The following SEMA3E variants were observed in gnomAD, a reference collection of about 807,000 sequenced individuals.
SEMA3E encodes semaphorin 3E.
A neutral mutation model predicts 93.6 loss-of-function variants in SEMA3E; 49 were observed. That is an observed-to-expected ratio of 0.52 (90% CI 0.42 to 0.66). The LOEUF (loss-of-function observed/expected upper bound fraction) is 0.66. SEMA3E is among the 30% of genes least tolerant of loss of function. SEMA3E has a pLI of 0.00. For missense variants in SEMA3E, 906 were observed against 964.8 expected (o/e 0.94, Z 0.81); for synonymous variants, 363 against 330.7 (o/e 1.10, Z -1.06).
intron 1 of SEMA3E, among the ~76,000 whole-genome samples, chr7:83,592,958 A>AT (rs145243318): frequency 0.27 from 41,216 of 151,694 alleles, 5,750 homozygotes; most frequent in African/African-American, 0.34. Flanking sequence ...TTTAATAAAC[A>AT]TTTTTTTTCT....
intron 16 of SEMA3E, among the ~76,000 whole-genome samples, chr7:83,368,750 TCA>T (rs1325843157): frequency 1.3e-5 from 2 of 152,150 alleles, no homozygotes; most frequent in East Asian, 3.9e-4. Flanking sequence ...GATATAATAC[TCA>T]CATTATTTCT....
chr7:83,542,947 T>C (rs1791568198), intron 1 of SEMA3E, among the ~76,000 whole-genome samples: 1 of 152,000 alleles, frequency 6.6e-6, no homozygotes, highest in Non-Finnish European at 1.5e-5. Flanking sequence ...AAAAGTCTTT[T>C]TGTGGCTTGT....
At chr7:83,457,639 G>A (rs1325527159) in intron 4 of SEMA3E, among the ~76,000 whole-genome samples, 4 of 151,838 alleles carry the variant, frequency 2.6e-5, no homozygotes, top group South Asian at 2.1e-4. Flanking sequence ...CTCTCATAAC[G>A]ATCATGTAAT....
rs1467190473 is a variant in SEMA3E, at chr7:83,364,113, C to T, written c.*3473G>A. The T allele has an allele frequency of 1.3e-5, 2 of 151,010 alleles. No homozygotes were observed. Among genetic ancestry groups the T allele is most frequent in the African/African-American group, 4.9e-5 (2 of 41,052 alleles). The allele number at this position is 151,010 out of a possible 1,614,324, so 9.4% of individuals were successfully genotyped here. A position where few individuals can be genotyped will look rare whatever the true frequency, so the allele number is the denominator to read the frequency against. ...GTTTCACCTTGTTAGCCAGGATGGTCTCGATCTCCTGACCTCATGATCCAC... is the reference window on the plus strand; with the variant it reads ...GTTTCACCTTGTTAGCCAGGATGGTTTCGATCTCCTGACCTCATGATCCAC... On this transcript the variant is annotated 3_prime_UTR_variant, in exon 17 of 17. Coordinates refer to ENST00000643230, the MANE Select transcript of SEMA3E (RefSeq NM_012431.3).
At chr7:83,606,233 G>A (rs190938513) in intron 1 of SEMA3E, among the ~76,000 whole-genome samples, 1 of 152,106 alleles carries the variant, frequency 6.6e-6, no homozygotes. Context: ...AGTAGTTAAT[G>A]GTTCTTTCTG....
chr7:83,418,808 A>T (rs185423706), intron 4 of SEMA3E, among the ~76,000 whole-genome samples: 1 of 152,308 alleles, frequency 6.6e-6, no homozygotes, highest in Non-Finnish European at 1.5e-5. Context: ...TTGCTGGAAA[A>T]AGGTTAATGA....
intron 1 of SEMA3E, among the ~76,000 whole-genome samples, chr7:83,628,894 G>C (rs549259114): frequency 6.6e-6 from 1 of 152,056 alleles, no homozygotes; most frequent in South Asian, 2.1e-4. Flanking sequence ...CAGCTTTTTT[G>C]TGCTGGTTTT....
chr7:83,628,445 T>C (rs912065183), intron 1 of SEMA3E, among the ~76,000 whole-genome samples: 1 of 152,136 alleles, frequency 6.6e-6, no homozygotes. Flanking sequence ...TAGTTTGGTT[T>C]CTACACACAG....
rs2709974 is a variant in SEMA3E, at chr7:83,392,900, T to C, written c.1501-179A>G. On this transcript the variant is annotated intron_variant, in intron 13 of 16. Coordinates refer to ENST00000643230, the MANE Select transcript of SEMA3E (RefSeq NM_012431.3). ...CTGCACAACATGGCAAAACCCCATCTCTACTAAAAATACAAAAAATTAGCC... is the reference window on the plus strand; with the variant it reads ...CTGCACAACATGGCAAAACCCCATCCCTACTAAAAATACAAAAAATTAGCC... Among the ~76,000 whole-genome samples the C allele has an allele frequency of 0.57, 86,662 of 151,638 alleles. 28,452 individuals carry two copies. Among genetic ancestry groups the C allele is most frequent in the East Asian group, 0.85 (4,363 of 5,122 alleles).
intron 4 of SEMA3E, among the ~76,000 whole-genome samples, chr7:83,458,036 G>A (rs544912579): frequency 3.3e-4 from 50 of 151,364 alleles, no homozygotes; most frequent in Non-Finnish European, 6.9e-4. Flanking sequence ...TTTCTCTTGT[G>A]ACATATATAT....
At chr7:83,392,898 T>C (rs1388781042) in intron 13 of SEMA3E, among the ~76,000 whole-genome samples, 177 bp from the exon 14 acceptor site, 1 of 151,840 alleles carries the variant, frequency 6.6e-6, no homozygotes, top group African/African-American at 2.4e-5. Flanking sequence ...CAAAACCCCA[T>C]CTCTACTAAA....
intron 1 of SEMA3E, among the ~76,000 whole-genome samples, chr7:83,538,762 C>A (rs922063906): frequency 6.6e-6 from 1 of 152,164 alleles, no homozygotes; most frequent in Non-Finnish European, 1.5e-5. Context: ...TCCCAGAACT[C>A]TATTTTAGTT....
intron 1 of SEMA3E, among the ~76,000 whole-genome samples, chr7:83,619,289 A>C (rs2115621416): frequency 6.6e-6 from 1 of 152,000 alleles, no homozygotes; most frequent in African/African-American, 2.4e-5. Context: ...TTGAAATAAA[A>C]AATTTTAGAT....
At chr7:83,394,178 A>T in intron 13 of SEMA3E, 119 bp downstream of exon 13, 1 of 1,106,534 alleles carries the variant, frequency 9.0e-7, no homozygotes, top group South Asian at 1.5e-5. Flanking sequence ...ATAAAAGAAA[A>T]ATAAAACTGT....
chr7:83,407,829 T>C (rs1788358217), intron 6 of SEMA3E, among the ~76,000 whole-genome samples: 1 of 152,096 alleles, frequency 6.6e-6, no homozygotes, highest in South Asian at 2.1e-4. Context: ...TTTTAAAGCT[T>C]AATAAAAATG....
intron 10 of SEMA3E, 43 bp from the exon 11 acceptor site, chr7:83,400,293 C>G: frequency 1.3e-6 from 2 of 1,563,070 alleles, no homozygotes; most frequent in Non-Finnish European, 1.8e-6. Context: ...GCTTTACACC[C>G]AAAGAGAAAA....
intron 2 of SEMA3E, among the ~76,000 whole-genome samples, chr7:83,473,395 G>A (rs571072042): frequency 1.6e-4 from 24 of 152,236 alleles, no homozygotes; most frequent in African/African-American, 5.5e-4. Flanking sequence ...CAGTTTGTTT[G>A]TTCCCTTAAA....
Position 83,385,366 on chromosome 7 carries a change from T to C in SEMA3E, c.1803A>G (p.Glu601=), listed in dbSNP as rs148962198. 1.2e-6 allele frequency: 2 copies of C among 1,613,484 alleles called. No homozygotes were observed. Among genetic ancestry groups the C allele is most frequent in the Admixed American group, 1.7e-5 (1 of 59,958 alleles). The part of the protein sequence containing the change: ...YGIENNSTLL[E]CTPRSLQAKV... ...TCGCTTGTAAAGATCGTGGGGTACA[T>C]TCCAGCAAAGTACTGTTGTTCTCTA... The change falls in exon 16 of 17, where the codon GAA becomes GAG. Residue 601 remains glutamate (E), a synonymous_variant. Coordinates refer to ENST00000643230, the MANE Select transcript of SEMA3E (RefSeq NM_012431.3).
intron 4 of SEMA3E, among the ~76,000 whole-genome samples, chr7:83,459,807 A>G (rs1397353993): frequency 6.6e-6 from 1 of 152,146 alleles, no homozygotes; most frequent in Non-Finnish European, 1.5e-5. Context: ...ATTCCACCAC[A>G]AAAGAAGTGT....
Sources: gnomAD v4.1 joint callset for allele counts (sites outside exome capture counted in the v4.1 genomes callset) on GRCh38, gnomAD v4.1.1 for gene constraint, MANE v1.5 for transcripts, NCBI Gene and HGNC (gene_info 2026-07-23, HGNC 2026-07-21) for gene names.